Variants in ZNRF1 observed in about 807,000 individuals in gnomAD.
The protein encoded by ZNRF1 is zinc and ring finger 1, also known as E3 ubiquitin-protein ligase ZNRF1.
ZNRF1 carries 3 observed loss-of-function variants against 18.4 expected under a neutral mutation model. That is an observed-to-expected ratio of 0.16 (90% CI 0.07 to 0.42). ZNRF1 has a LOEUF of 0.42. Ranked by LOEUF, ZNRF1 falls within the 10% of genes least tolerant of loss-of-function variation. ZNRF1 has a pLI of 0.99. For missense variants in ZNRF1, 310 were observed against 329.8 expected (o/e 0.94, Z 0.47); for synonymous variants, 157 against 144.2 (o/e 1.09, Z -0.64).
intron 1 of ZNRF1, among the ~76,000 whole-genome samples, 186 bp from the exon 2 acceptor site, chr16:75,093,384 CAA>C (rs574718849): frequency 1.5e-4 from 10 of 67,900 alleles, no homozygotes; most frequent in Admixed American, 1.6e-4. Flanking sequence ...GACTTCGTCT[CAA>C]AAAAAAAAAA....
At chr16:75,016,291 TG>T (rs1384271847) in intron 1 of ZNRF1, among the ~76,000 whole-genome samples, 1 of 151,546 alleles carries the variant, frequency 6.6e-6, no homozygotes, top group Non-Finnish European at 1.5e-5. Flanking sequence ...CAGGCTGGAG[TG>T]CAGTGGCGTT....
chr16:75,055,026 A>G (rs2035650695), intron 1 of ZNRF1, among the ~76,000 whole-genome samples: 1 of 152,192 alleles, frequency 6.6e-6, no homozygotes, highest in African/African-American at 2.4e-5. Flanking sequence ...TCTAGAACAA[A>G]TTCAGAAAGA....
At chr16:75,100,956 CAG>C (rs1324779591) in intron 2 of ZNRF1, among the ~76,000 whole-genome samples, 2 of 152,116 alleles carry the variant, frequency 1.3e-5, no homozygotes, top group East Asian at 1.9e-4. Flanking sequence ...TTTTTTGAGA[CAG>C]AGTCTCGTTC....
chr16:75,062,374 C>CT (rs1355180114), intron 1 of ZNRF1, among the ~76,000 whole-genome samples: 1 of 152,228 alleles, frequency 6.6e-6, no homozygotes, highest in Non-Finnish European at 1.5e-5. Flanking sequence ...TCGACAGTGG[C>CT]TCATGGCCAG....
intron 4 of ZNRF1, chr16:75,106,899 G>A (rs781075693): frequency 6.1e-5 from 16 of 260,710 alleles, no homozygotes; most frequent in Admixed American, 1.3e-4. Context: ...GAGCCTGAGC[G>A]GTGGGTTTGT....
rs570195099 is a variant in ZNRF1 at position 75,006,654 on chromosome 16, T to G, written c.424+6559T>G. 1.6e-3 allele frequency among the ~76,000 whole-genome samples: 239 copies of G among 152,310 alleles called. 1 individual carries two copies. The highest frequency in any genetic ancestry group is 0.01 in the Middle Eastern group (3 of 294). ...TTTCACCATGTTGGCCAGGCTGGTC[T>G]CGAACTCCTGACCTCGGGTGATCCA... is the stretch of plus-strand genomic sequence containing the variant. On this transcript the variant is annotated intron_variant, in intron 1 of 4. Coordinates refer to ENST00000335325, the MANE Select transcript of ZNRF1 (RefSeq NM_032268.5).
intron 1 of ZNRF1, among the ~76,000 whole-genome samples, chr16:75,018,994 T>C (rs887556820): frequency 6.6e-6 from 1 of 152,096 alleles, no homozygotes; most frequent in African/African-American, 2.4e-5. Context: ...GATGAAACCC[T>C]GTCTCTACTG....
At chr16:75,094,321 C>T (rs139846339) in intron 2 of ZNRF1, among the ~76,000 whole-genome samples, 2,147 of 152,218 alleles carry the variant, frequency 0.014, 24 homozygotes, top group Non-Finnish European at 0.018. Context: ...ACAGTGAATA[C>T]CGCAGAGGGT....
chr16:75,038,985 C>G (rs543144827), intron 1 of ZNRF1, among the ~76,000 whole-genome samples: 2 of 152,178 alleles, frequency 1.3e-5, no homozygotes, highest in South Asian at 4.1e-4. Context: ...ATATCTTCTT[C>G]TGTGTTTAAT....
At chr16:75,020,708 A>AT (rs1487931578) in intron 1 of ZNRF1, among the ~76,000 whole-genome samples, 1 of 151,688 alleles carries the variant, frequency 6.6e-6, no homozygotes, top group Non-Finnish European at 1.5e-5. Flanking sequence ...CACCCAGCTA[A>AT]TTTTTTTGTA....
chr16:75,000,673 G>A (rs1224164625), intron 1 of ZNRF1, among the ~76,000 whole-genome samples: 1 of 152,224 alleles, frequency 6.6e-6, no homozygotes, highest in African/African-American at 2.4e-5. Flanking sequence ...AGGTGTGGCT[G>A]CTGTACGGAG....
intron 1 of ZNRF1, chr16:75,084,445 T>C (rs181317314): frequency 2.6e-5 from 4 of 152,272 alleles, no homozygotes; most frequent in Non-Finnish European, 4.4e-5. Flanking sequence ...GAGAAAAATC[T>C]TCAAGCTTTC....
At chr16:75,019,190 C>CT (rs1555509736) in intron 1 of ZNRF1, among the ~76,000 whole-genome samples, 18 of 150,310 alleles carry the variant, frequency 1.2e-4, no homozygotes, top group African/African-American at 2.2e-4. Context: ...ATTAATATAG[C>CT]TTTTTTTTTG....
intron 3 of ZNRF1, chr16:75,105,226 C>G (rs948446918): frequency 4.0e-5 from 11 of 274,842 alleles, no homozygotes; most frequent in South Asian, 2.7e-4. Context: ...CCTGCCTCTT[C>G]TTCCTCTACG....
intron 1 of ZNRF1, among the ~76,000 whole-genome samples, chr16:75,081,541 C>T (rs761017294): frequency 2.0e-5 from 3 of 152,170 alleles, no homozygotes; most frequent in Non-Finnish European, 2.9e-5. Context: ...TCAAGCCACT[C>T]TAAGGAGTGT....
At chr16:75,089,526 C>T (rs1338818253) in intron 1 of ZNRF1, among the ~76,000 whole-genome samples, 1 of 152,218 alleles carries the variant, frequency 6.6e-6, no homozygotes, top group African/African-American at 2.4e-5. Context: ...AGTGGTGCTT[C>T]CTCTCCAGAG....
At chr16:75,047,983 G>C (rs775212872) in intron 1 of ZNRF1, among the ~76,000 whole-genome samples, 1 of 151,586 alleles carries the variant, frequency 6.6e-6, no homozygotes, top group Non-Finnish European at 1.5e-5. Flanking sequence ...ACAAGGTCTG[G>C]CTTTGTTGCC....
At position 75,047,136 on chromosome 16, in the gene ZNRF1, T is replaced by C. The variant is rs142114702; in HGVS notation, c.425-46436T>C. ...CCCATTCATTTGAACTGCTTTATAGTGTTCCCTTAATATGTGGATAAATAT... is the reference window on the plus strand; with the variant it reads ...CCCATTCATTTGAACTGCTTTATAGCGTTCCCTTAATATGTGGATAAATAT... On this transcript the variant is annotated intron_variant, in intron 1 of 4. Coordinates refer to ENST00000335325, the MANE Select transcript of ZNRF1 (RefSeq NM_032268.5). 2.8e-3 allele frequency among the ~76,000 whole-genome samples: 423 copies of C among 152,330 alleles called. 3 individuals carry two copies. The highest frequency in any genetic ancestry group is 9.5e-3 in the African/African-American group (393 of 41,572).
chr16:75,076,353 C>T (rs983983362), intron 1 of ZNRF1, among the ~76,000 whole-genome samples: 9 of 152,044 alleles, frequency 5.9e-5, no homozygotes, highest in Admixed American at 5.9e-4. Context: ...ATGTCCATCC[C>T]CATAGGTTTC....
Sources: allele counts gnomAD v4.1 joint callset (sites outside exome capture counted in the v4.1 genomes callset), GRCh38; gene constraint gnomAD v4.1.1; transcripts MANE v1.5; gene names NCBI Gene and HGNC (gene_info 2026-07-23, HGNC 2026-07-21).